Variants in CCDC171 observed in about 807,000 individuals in gnomAD.
The protein encoded by CCDC171 is coiled-coil domain containing 171, also known as coiled-coil domain-containing protein 171.
Under a neutral mutation model 168.2 loss-of-function variants are expected in CCDC171, and 177 were observed. That is an observed-to-expected ratio of 1.05 (90% CI 0.93 to 1.19). The LOEUF is 1.19. Among genes scored for constraint, CCDC171 ranks in the 50% most tolerant of loss-of-function variants. CCDC171 has a pLI of 0.00. For synonymous variants in CCDC171, 687 were observed against 540.8 expected, an observed-to-expected ratio of 1.27 and a Z score of -3.75; for missense variants, 1,991 against 1,539.0, an observed-to-expected ratio of 1.29 and a Z score of -4.91.
intron 21 of CCDC171, among the ~76,000 whole-genome samples, chr9:15,829,458 A>G (rs2060142551): frequency 6.6e-6 from 1 of 152,232 alleles, no homozygotes. Flanking sequence ...GTGAAGAAAG[A>G]TAGAAAGACT....
intron 3 of CCDC171, among the ~76,000 whole-genome samples, chr9:16,017,167 A>G (rs1369365507): frequency 6.6e-6 from 1 of 152,182 alleles, no homozygotes; most frequent in Non-Finnish European, 1.5e-5. Context: ...ATTAAGGAGG[A>G]AACCAGAAAA....
chr9:15,645,140 G>A (rs1461917573), intron 7 of CCDC171, among the ~76,000 whole-genome samples: 1 of 152,238 alleles, frequency 6.6e-6, no homozygotes, highest in Non-Finnish European at 1.5e-5. Flanking sequence ...AGGGTCTGGA[G>A]TGGACCTCCA....
intron 21 of CCDC171, among the ~76,000 whole-genome samples, chr9:15,786,970 A>ACCAC: frequency 6.6e-6 from 1 of 152,132 alleles, no homozygotes; most frequent in East Asian, 1.9e-4. Flanking sequence ...TTTTGGACTC[A>ACCAC]GACCACTTGC....
chr9:16,049,603 C>T (rs1833718464), intron 1 of CCDC171, among the ~76,000 whole-genome samples: 1 of 152,160 alleles, frequency 6.6e-6, no homozygotes, highest in Non-Finnish European at 1.5e-5. Context: ...ACCAGCAGCA[C>T]CCTGGGTCCT....
intron 4 of CCDC171, among the ~76,000 whole-genome samples, chr9:15,590,107 T>G (rs1362341726): frequency 6.6e-6 from 1 of 152,142 alleles, no homozygotes; most frequent in East Asian, 1.9e-4. Flanking sequence ...ATAGGTCAAA[T>G]GCAAAGGATC....
chr9:15,600,088 C>G (rs528202414), intron 6 of CCDC171, among the ~76,000 whole-genome samples: 3 of 152,264 alleles, frequency 2.0e-5, no homozygotes, highest in South Asian at 4.1e-4. Context: ...GTTCGAACTT[C>G]CTCCTTTAGC....
At chr9:15,984,631 A>T (rs1410917308) in intron 3 of CCDC171, among the ~76,000 whole-genome samples, 1 of 152,130 alleles carries the variant, frequency 6.6e-6, no homozygotes, top group Admixed American at 6.6e-5. Context: ...TGTCCAATAA[A>T]TCTTATATTC....
chr9:15,719,113 A>G (rs1038631945), intron 11 of CCDC171, among the ~76,000 whole-genome samples: 2 of 151,922 alleles, frequency 1.3e-5, no homozygotes, highest in African/African-American at 2.4e-5. Context: ...TCAAAATCCT[A>G]TCAGATAAAT....
chr9:15,803,491 T>G (rs2058926498), intron 21 of CCDC171, among the ~76,000 whole-genome samples: 1 of 152,162 alleles, frequency 6.6e-6, no homozygotes, highest in Admixed American at 6.5e-5. Flanking sequence ...GCTACCCAGT[T>G]CTCCCAGCAC....
chr9:15,710,651 G>A (rs1001504477), intron 11 of CCDC171, among the ~76,000 whole-genome samples: 2 of 148,922 alleles, frequency 1.3e-5, no homozygotes, highest in African/African-American at 2.5e-5. Context: ...GCTGGAGTAC[G>A]GTGGCACAAT....
At chr9:16,012,525 C>G (rs1039688340) in intron 3 of CCDC171, among the ~76,000 whole-genome samples, 1 of 150,694 alleles carries the variant, frequency 6.6e-6, no homozygotes, top group Non-Finnish European at 1.5e-5. Context: ...TGACTTTAAT[C>G]TCCATATTTT....
chr9:15,564,916 A>G (rs1299410082), intron 2 of CCDC171, among the ~76,000 whole-genome samples: 3 of 152,190 alleles, frequency 2.0e-5, no homozygotes, highest in Non-Finnish European at 4.4e-5. Flanking sequence ...GTATTTTACA[A>G]AATCATCATG....
chr9:15,632,375 T>C (rs945877616), intron 7 of CCDC171, among the ~76,000 whole-genome samples: 5 of 151,708 alleles, frequency 3.3e-5, no homozygotes, highest in African/African-American at 4.8e-5. Context: ...TATACACCAA[T>C]AACAGACAAA....
rs184564233 is a variant in CCDC171 at position 15,622,726 on chromosome 9, C to G, written c.676-541C>G. On this transcript the variant is annotated intron_variant, in intron 6 of 25. Coordinates refer to ENST00000380701, the MANE Select transcript of CCDC171 (RefSeq NM_173550.4). ...AGTATAAGACTACCTGAAGTTATTT[C>G]TTTTTCAATAGCTAAGCAAAGATTT... Among the ~76,000 whole-genome samples, 37 of 152,254 alleles carry G rather than the reference C, an allele frequency of 2.4e-4. No individual in the cohort carries two copies. The East Asian group carries it at 5.8e-3, about 24-fold the overall frequency.
intron 3 of CCDC171, among the ~76,000 whole-genome samples, chr9:15,982,901 G>A (rs1217493419): frequency 2.0e-5 from 3 of 152,178 alleles, no homozygotes; most frequent in Non-Finnish European, 4.4e-5. Context: ...GGTAGATTCT[G>A]CAAGAAGGTG....
intron 18 of CCDC171, among the ~76,000 whole-genome samples, chr9:15,770,656 C>T (rs1410087902): frequency 6.6e-6 from 1 of 152,186 alleles, no homozygotes; most frequent in Non-Finnish European, 1.5e-5. Flanking sequence ...TCCCCTCTCT[C>T]CATTGTCCAA....
chr9:15,833,313 A>C (rs2060312235), intron 21 of CCDC171, among the ~76,000 whole-genome samples: 1 of 152,226 alleles, frequency 6.6e-6, no homozygotes, highest in Non-Finnish European at 1.5e-5. Context: ...TCATGAGAGT[A>C]CTGTAGTATA....
intron 25 of CCDC171, among the ~76,000 whole-genome samples, chr9:15,962,467 A>G (rs1830438473): frequency 2.0e-5 from 3 of 152,210 alleles, no homozygotes; most frequent in South Asian, 2.1e-4. Context: ...TATAGATCCA[A>G]TGGTTCTATC....
chr9:16,017,153 A>T (rs1030480955), intron 3 of CCDC171, among the ~76,000 whole-genome samples: 4 of 152,192 alleles, frequency 2.6e-5, no homozygotes, highest in Non-Finnish European at 4.4e-5. Context: ...TTTTAATTTT[A>T]AAAATTAAGG....
Sources: allele counts gnomAD v4.1 joint callset (sites outside exome capture counted in the v4.1 genomes callset), GRCh38; gene constraint gnomAD v4.1.1; transcripts MANE v1.5; gene names NCBI Gene and HGNC (gene_info 2026-07-23, HGNC 2026-07-21).